Variants in MED13L observed in about 807,000 individuals in gnomAD.
The protein encoded by MED13L is mediator of RNA polymerase II transcription subunit 13-like.
MED13L carries 7 observed loss-of-function variants against 220.9 expected under a neutral mutation model. The observed-to-expected ratio is 0.03, with a 90% CI of 0.02 to 0.06. The LOEUF (loss-of-function observed/expected upper bound fraction) is 0.06. Among genes scored for constraint, MED13L ranks in the 10% least tolerant of loss-of-function variants. The pLI is 1.00. For missense variants in MED13L, 1,965 were observed against 2,760.5 expected (o/e 0.71, Z 6.46); for synonymous variants, 1,011 against 1,015.2 (o/e 1.00, Z 0.08).
At chr12:115,995,676 G>C (rs1480956154) in intron 16 of MED13L, among the ~76,000 whole-genome samples, 2 of 152,156 alleles carry the variant, frequency 1.3e-5, no homozygotes, top group Middle Eastern at 6.8e-3. Context: ...ATCCACCTCG[G>C]CCTCCCAAAA....
chr12:116,093,932 T>C (rs1872457093), intron 4 of MED13L, among the ~76,000 whole-genome samples: 1 of 152,146 alleles, frequency 6.6e-6, no homozygotes, highest in African/African-American at 2.4e-5. Context: ...ACATAAATTA[T>C]CTAATTTAAT....
At chr12:116,024,023 A>C (rs1354538649) in intron 4 of MED13L, among the ~76,000 whole-genome samples, 1 of 152,220 alleles carries the variant, frequency 6.6e-6, no homozygotes. Context: ...CTTATTTTTC[A>C]GCTGTAAATT....
At chr12:116,170,147 C>T (rs1879568437) in intron 2 of MED13L, among the ~76,000 whole-genome samples, 1 of 152,166 alleles carries the variant, frequency 6.6e-6, no homozygotes, top group Non-Finnish European at 1.5e-5. Context: ...GAGTTATGCA[C>T]AGATTCTGTA....
chr12:115,967,448 C>G lies in MED13L; in HGVS notation c.6226-1205G>C, dbSNP rs141996963. On this transcript the variant is annotated intron_variant, in intron 28 of 30. Coordinates refer to ENST00000281928, the MANE Select transcript of MED13L (RefSeq NM_015335.5). ...CTGGCTAGCTTCAGAACAGCACTGT[C>G]TAAATCATGGCATTGAATTAAAGAC... 2.9e-4 allele frequency among the ~76,000 whole-genome samples: 44 copies of G among 152,244 alleles called. 1 individual carries two copies. In the East Asian group the frequency reaches 7.9e-3, roughly 27 times the overall value.
intron 4 of MED13L, among the ~76,000 whole-genome samples, chr12:116,073,842 T>C (rs1565863721): frequency 6.6e-6 from 1 of 152,200 alleles, no homozygotes; most frequent in Non-Finnish European, 1.5e-5. Context: ...CTTCTTTCTC[T>C]AAATACAAAT....
intron 4 of MED13L, among the ~76,000 whole-genome samples, chr12:116,035,885 T>C (rs1314950021): frequency 6.6e-6 from 1 of 152,154 alleles, no homozygotes; most frequent in Non-Finnish European, 1.5e-5. Context: ...CCAAAAACTA[T>C]GTTCTAATAG....
intron 2 of MED13L, among the ~76,000 whole-genome samples, chr12:116,119,551 ACTTAAT>A (rs1353812477): frequency 5.3e-5 from 8 of 151,964 alleles, no homozygotes; most frequent in Non-Finnish European, 8.8e-5. Flanking sequence ...GAAAACTAAC[ACTTAAT>A]CTTAAGAAGG....
intron 2 of MED13L, among the ~76,000 whole-genome samples, chr12:116,163,683 G>T (rs1274927404): frequency 6.6e-6 from 1 of 151,890 alleles, no homozygotes; most frequent in Non-Finnish European, 1.5e-5. Flanking sequence ...TATTGAAAAG[G>T]GTATTTACAA....
intron 1 of MED13L, among the ~76,000 whole-genome samples, chr12:116,267,391 A>G (rs1872911996): frequency 6.6e-6 from 1 of 152,252 alleles, no homozygotes. Context: ...TAAATGCTAT[A>G]CTTAAAACAA....
intron 2 of MED13L, among the ~76,000 whole-genome samples, chr12:116,232,981 G>A (rs1374511114): frequency 2.0e-5 from 3 of 150,980 alleles, no homozygotes; most frequent in African/African-American, 7.3e-5. Context: ...CAGCTACTCA[G>A]AAGGCTGAGG....
chr12:115,984,337 T>G lies in MED13L; in HGVS notation c.4374A>C (p.Lys1458Asn). ...CRLGQHKPICKVLRDGIMRVG... is the reference protein window; with the variant it reads ...CRLGQHKPICNVLRDGIMRVG... ...CGCGCATGATCCCGTCACGTAGCAC[T>G]TTGCAGATGGGCTTGTGCTGCCCAA... Residue 1458 changes from lysine to asparagine, a missense_variant, in exon 20 of 31, where the codon AAA becomes AAC. Lys to Asn is a moderately conservative substitution (Grantham distance 94, BLOSUM62 0). Around this residue, in one of 10 missense-constraint regions of MED13L, gnomAD observed 510 missense variants for 620.4 expected, o/e 0.82. Coordinates refer to ENST00000281928, the MANE Select transcript of MED13L (RefSeq NM_015335.5). 3.1e-6 allele frequency: 5 copies of G among 1,614,140 alleles called. No individual in the cohort carries two copies. Among genetic ancestry groups the G allele is most frequent in the Non-Finnish European group, 4.2e-6 (5 of 1,180,014 alleles).
chr12:116,204,101 A>T (rs1210856902), intron 2 of MED13L, among the ~76,000 whole-genome samples: 1 of 152,206 alleles, frequency 6.6e-6, no homozygotes, highest in African/African-American at 2.4e-5. Context: ...ATCTGCTTCC[A>T]AAAGTCAACC....
At chr12:116,268,891 T>C (rs958039800) in intron 1 of MED13L, among the ~76,000 whole-genome samples, 1 of 152,208 alleles carries the variant, frequency 6.6e-6, no homozygotes, top group Non-Finnish European at 1.5e-5. Context: ...AGTAAAAAGA[T>C]CTAATGAAGA....
Position 115,972,248 on chromosome 12 carries a change from T to C in MED13L, c.5732-12A>G. 6.2e-7 allele frequency: 1 copy of C among 1,612,250 alleles called. No individual in the cohort carries two copies. Among genetic ancestry groups the C allele is most frequent in the Non-Finnish European group, 8.5e-7 (1 of 1,179,758 alleles). ...GAGGATACTCCAATCTGAAATCAAA[T>C]ATCGCAGTCATACACAGTCTTTAGA... On this transcript the variant is annotated splice_polypyrimidine_tract_variant and intron_variant, in intron 25 of 30. Coordinates refer to ENST00000281928, the MANE Select transcript of MED13L (RefSeq NM_015335.5).
chr12:116,155,086 G>A lies in MED13L; in HGVS notation c.311-43574C>T, dbSNP rs573166545. Among the ~76,000 whole-genome samples the A allele has an allele frequency of 4.9e-4, 75 of 152,228 alleles. 2 individuals carry two copies. The South Asian group carries it at 0.013, about 27-fold the overall frequency. On this transcript the variant is annotated intron_variant, in intron 2 of 30. Coordinates refer to ENST00000281928, the MANE Select transcript of MED13L (RefSeq NM_015335.5). ...AAGTGATCCACCTGCCTTGACCTCC[G>A]TAAGTGTTGGGATTACAGGCGTGAG...
chr12:116,039,343 A>G (rs1010374607), intron 4 of MED13L, among the ~76,000 whole-genome samples: 4 of 152,194 alleles, frequency 2.6e-5, no homozygotes, highest in African/African-American at 7.2e-5. Context: ...GTACTCAAAG[A>G]AGGCCCCAGT....
intron 4 of MED13L, among the ~76,000 whole-genome samples, chr12:116,063,313 C>T (rs1212260887): frequency 6.6e-6 from 1 of 152,144 alleles, no homozygotes; most frequent in Non-Finnish European, 1.5e-5. Context: ...GAGTTCAAGA[C>T]CAGCCTGGGC....
At chr12:116,115,263 A>T (rs1874411452) in intron 2 of MED13L, among the ~76,000 whole-genome samples, 1 of 152,180 alleles carries the variant, frequency 6.6e-6, no homozygotes, top group Admixed American at 6.6e-5. Flanking sequence ...CATTTTTTTT[A>T]ATTCAACAAA....
At chr12:116,150,739 T>A (rs1366494910) in intron 2 of MED13L, among the ~76,000 whole-genome samples, 1 of 152,238 alleles carries the variant, frequency 6.6e-6, no homozygotes, top group Non-Finnish European at 1.5e-5. Context: ...GAAAACTTAT[T>A]TTTATTTATG....
Sources: allele counts gnomAD v4.1 joint callset (sites outside exome capture counted in the v4.1 genomes callset), GRCh38; gene constraint gnomAD v4.1.1; regional missense constraint gnomAD v4.1.1; transcripts MANE v1.5; gene names NCBI Gene and HGNC (gene_info 2026-07-23, HGNC 2026-07-21).